Variants in CRISP3 observed in about 807,000 individuals in gnomAD.
CRISP3 encodes the protein cysteine rich secretory protein 3, also known as cysteine-rich secretory protein 3.
In CRISP3, 33 loss-of-function variants were observed where a neutral mutation model predicts 36.1. That is an observed-to-expected ratio of 0.91 (90% confidence interval 0.69 to 1.22). The LOEUF is 1.22. CRISP3 is among the 50% of genes most tolerant of loss of function. The probability of loss-of-function intolerance (pLI) is 0.00; values close to 1 mark genes in which losing one functional copy is unlikely to be tolerated. For synonymous variants in CRISP3, 117 were observed against 104.6 expected, an observed-to-expected ratio of 1.12 and a Z score of -0.72; for missense variants, 330 against 301.2, an observed-to-expected ratio of 1.10 and a Z score of -0.71.
At chr6:49,737,605 C>A (rs1198142258) in intron 1 of CRISP3, among the ~76,000 whole-genome samples, 1 of 152,110 alleles carries the variant, frequency 6.6e-6, no homozygotes. Context: ...CTATAAAGAA[C>A]AAACCAAAAT....
At chr6:49,742,943 G>C (rs1277829532) in intron 1 of CRISP3, among the ~76,000 whole-genome samples, 1 of 152,160 alleles carries the variant, frequency 6.6e-6, no homozygotes, top group African/African-American at 2.4e-5. Flanking sequence ...TATAGGTATA[G>C]ACACATTTAT....
Position 49,733,308 on chromosome 6 carries a change from T to C in CRISP3, c.463-16A>G. 6.6e-7 allele frequency: 1 copy of C among 1,510,774 alleles called. No individual in the cohort carries two copies. Among genetic ancestry groups the C allele is most frequent in the Non-Finnish European group, 9.1e-7 (1 of 1,099,482 alleles). The allele number at this position is 1,510,774 out of a possible 1,614,324, so 93.6% of individuals were successfully genotyped here. A position where few individuals can be genotyped will look rare whatever the true frequency, so the allele number is the denominator to read the frequency against. On this transcript the variant is annotated splice_polypyrimidine_tract_variant and intron_variant, in intron 5 of 7. Coordinates refer to ENST00000263045, the MANE Select transcript of CRISP3 (RefSeq NM_006061.4). ...ACCAAACAACCTATAAACCAATAAG[T>C]GAAGATATGAGAGCACATTAGAGAA... is the stretch of plus-strand genomic sequence containing the variant.
At chr6:49,739,665 C>G (rs1769150182) in intron 1 of CRISP3, among the ~76,000 whole-genome samples, 1 of 152,130 alleles carries the variant, frequency 6.6e-6, no homozygotes, top group Non-Finnish European at 1.5e-5. Context: ...ATCCCCACCT[C>G]TCCTCCCAAG....
intron 1 of CRISP3, among the ~76,000 whole-genome samples, chr6:49,742,631 C>CAAAAAAAAAAAAAAAAAAAAAGA (rs33995764): frequency 1.4e-5 from 1 of 71,240 alleles, no homozygotes; most frequent in Non-Finnish European, 2.8e-5. Context: ...GACTCCATCT[C>CAAAAAAAAAAAAAAAAAAAAAGA]AAAAAAAAAA....
In CRISP3 at chr6:49,728,700, A is replaced by G. The variant is rs746138268; in HGVS notation, c.*30T>C. The stretch of plus-strand genomic sequence containing the variant: ...TAAGTAGATAATCTGACTCCTCTCT[A>G]CATAGCCCTACTCGGTGTGTAATGC... On this transcript the variant is annotated 3_prime_UTR_variant, in exon 8 of 8. Transcript: ENST00000263045. 1.3e-6 allele frequency: 2 copies of G among 1,589,684 alleles called. No individual in the cohort carries two copies. The highest frequency in any genetic ancestry group is 1.2e-5 in the South Asian group (1 of 85,612).
At chr6:49,731,673 T>A (rs577371908) in intron 6 of CRISP3, among the ~76,000 whole-genome samples, 1 of 146,500 alleles carries the variant, frequency 6.8e-6, no homozygotes, top group South Asian at 2.2e-4. Context: ...TAACATTTAA[T>A]GTTAAATGTA....
chr6:49,730,977 G>A (rs1404167495), intron 7 of CRISP3, among the ~76,000 whole-genome samples, 186 bp downstream of exon 7: 1 of 152,224 alleles, frequency 6.6e-6, no homozygotes, highest in Non-Finnish European at 1.5e-5. Context: ...TGCAAGCGGA[G>A]GTTGCAGTGA....
intron 1 of CRISP3, among the ~76,000 whole-genome samples, chr6:49,743,079 G>T (rs1470124476): frequency 6.6e-6 from 1 of 152,152 alleles, no homozygotes; most frequent in Admixed American, 6.5e-5. Flanking sequence ...AGCAGCCTAT[G>T]CCAATATGCA....
At chr6:49,729,615 C>G (rs138107746) in intron 7 of CRISP3, among the ~76,000 whole-genome samples, 1 of 152,110 alleles carries the variant, frequency 6.6e-6, no homozygotes, top group African/African-American at 2.4e-5. Context: ...ATGACACTCC[C>G]AACTATTAAA....
chr6:49,736,619 C>T (rs904704510), intron 2 of CRISP3, 112 bp from the exon 3 acceptor site: 3 of 808,834 alleles, frequency 3.7e-6, no homozygotes, highest in African/African-American at 1.7e-5. Context: ...GTTGCCAATG[C>T]TAGGTAAACA....
chr6:49,738,235 A>T (rs990682144), intron 1 of CRISP3, among the ~76,000 whole-genome samples: 4 of 152,234 alleles, frequency 2.6e-5, no homozygotes, highest in Non-Finnish European at 1.5e-5. Context: ...AAAAGTTTTA[A>T]GCATAAAATT....
At position 49,732,046 on chromosome 6, in the gene CRISP3, C is replaced by T. The variant is rs762351893; in HGVS notation, c.561-795G>A. Among the ~76,000 whole-genome samples, 38 of 152,156 alleles carry T rather than the reference C, an allele frequency of 2.5e-4. 1 individual carries two copies. The highest frequency in any genetic ancestry group is 1.6e-4 in the Non-Finnish European group (11 of 68,036). On this transcript the variant is annotated intron_variant, in intron 6 of 7. Transcript: ENST00000263045. ...GTCTTAATTGCACTAAGTAGGCTAA[C>T]GGTCCAAGGCTATGTAGCTGAATCT...
chr6:49,739,318 A>C (rs1397941976), intron 1 of CRISP3, among the ~76,000 whole-genome samples: 1 of 152,182 alleles, frequency 6.6e-6, no homozygotes, highest in Non-Finnish European at 1.5e-5. Flanking sequence ...TGTACACTCT[A>C]TTCAGGATAA....
In CRISP3 at chr6:49,732,743, A is replaced by C. The variant is rs990810511; in HGVS notation, c.560+452T>G. On this transcript the variant is annotated intron_variant, in intron 6 of 7. Transcript: ENST00000263045. ...TTAATGTATAATGTGAAATTTTCTG[A>C]TAAGCAGGAGTAAGAGCATTTGAGC... is the stretch of plus-strand genomic sequence containing the variant. Among the ~76,000 whole-genome samples the C allele has an allele frequency of 3.0e-4, 46 of 152,200 alleles. 1 individual carries two copies. Among genetic ancestry groups the C allele is most frequent in the Non-Finnish European group, 1.3e-4 (9 of 68,034 alleles).
At chr6:49,729,336 G>A (rs1768857032) in intron 7 of CRISP3, among the ~76,000 whole-genome samples, 1 of 152,098 alleles carries the variant, frequency 6.6e-6, no homozygotes, top group Non-Finnish European at 1.5e-5. Context: ...CTTCATCACT[G>A]TAGAAAGTTA....
At chr6:49,741,646 A>G (rs1769206266) in intron 1 of CRISP3, among the ~76,000 whole-genome samples, 1 of 143,426 alleles carries the variant, frequency 7.0e-6, no homozygotes, top group East Asian at 2.1e-4. Context: ...AAGAAAAAAT[A>G]GAAGAGATCA....
intron 1 of CRISP3, 67 bp downstream of exon 1, chr6:49,744,264 G>T: frequency 9.0e-7 from 1 of 1,114,532 alleles, no homozygotes; most frequent in Non-Finnish European, 1.3e-6. Context: ...TCATTGATAA[G>T]GTATAAATGT....
intron 1 of CRISP3, among the ~76,000 whole-genome samples, chr6:49,737,854 T>C (rs530297166): frequency 1.3e-5 from 2 of 152,322 alleles, no homozygotes; most frequent in Admixed American, 1.3e-4. Flanking sequence ...TTAACATTTC[T>C]TCAAATTAAA....
intron 1 of CRISP3, among the ~76,000 whole-genome samples, chr6:49,739,481 T>G (rs1421421863): frequency 6.6e-6 from 1 of 152,154 alleles, no homozygotes; most frequent in African/African-American, 2.4e-5. Context: ...GAGTAAAATT[T>G]TATTTCCTTT....
Sources: allele counts gnomAD v4.1 joint callset (sites outside exome capture counted in the v4.1 genomes callset), GRCh38; gene constraint gnomAD v4.1.1; transcripts MANE v1.5; gene names NCBI Gene and HGNC (gene_info 2026-07-23, HGNC 2026-07-21).